Variants in UTY observed in about 807,000 individuals in gnomAD.
UTY encodes histone demethylase UTY.
In UTY, 12 loss-of-function variants were observed where a neutral mutation model predicts 32.5. The ratio of observed to expected loss-of-function variants is 0.37; its 90% CI spans 0.24 to 0.60. UTY has a LOEUF of 0.60. Ranked by LOEUF, UTY falls within the 20% of genes least tolerant of loss-of-function variation. The pLI is 0.69. For missense variants in UTY, 303 were observed against 299.2 expected, an observed-to-expected ratio of 1.01 and a Z score of -0.09; for synonymous variants, 131 against 103.4, an observed-to-expected ratio of 1.27 and a Z score of -1.62.
intron 4 of UTY, among the ~76,000 whole-genome samples, chrY:13,432,017 T>C (rs2074088123): frequency 6.0e-5 from 2 of 33,108 alleles, no homozygotes; most frequent in African/African-American, 2.4e-4. Flanking sequence ...AAGGAAGCAA[T>C]TCCATTTACA....
At chrY:13,310,875 T>C in intron 21 of UTY, among the ~76,000 whole-genome samples, 1 of 32,439 alleles carries the variant, frequency 3.1e-5, no homozygotes, top group African/African-American at 1.2e-4. Context: ...GATCATGAGG[T>C]CAGGAGATCC....
chrY:13,293,834 A>G, intron 27 of UTY, among the ~76,000 whole-genome samples: 1 of 33,808 alleles, frequency 3.0e-5, no homozygotes, highest in Non-Finnish European at 7.3e-5. Context: ...CAATCCATTC[A>G]TAGTAGCAAC....
intron 3 of UTY, among the ~76,000 whole-genome samples, chrY:13,453,362 T>G (rs1030917331): frequency 3.0e-5 from 1 of 33,895 alleles, no homozygotes; most frequent in Admixed American, 2.6e-4. Context: ...AATATAAAGA[T>G]TCTTCATGTT....
intron 27 of UTY, among the ~76,000 whole-genome samples, chrY:13,265,061 C>A (rs2055648836): frequency 3.0e-5 from 1 of 33,068 alleles, no homozygotes; most frequent in African/African-American, 1.2e-4. Context: ...AGATGTGAGG[C>A]GTTATTTCTG....
At chrY:13,305,372 G>C in intron 24 of UTY, 27 bp downstream of exon 24, 1 of 389,153 alleles carries the variant, frequency 2.6e-6, no homozygotes, top group Middle Eastern at 7.3e-4. Flanking sequence ...TTTCAATCAT[G>C]TAAGATATGT....
At chrY:13,400,775 A>C in intron 6 of UTY, among the ~76,000 whole-genome samples, 3 of 32,467 alleles carry the variant, frequency 9.2e-5, no homozygotes, top group Non-Finnish European at 7.6e-5. Flanking sequence ...AAAAAAAAAA[A>C]CTGGACTGTA....
At chrY:13,315,800 C>T in intron 21 of UTY, among the ~76,000 whole-genome samples, 1 of 31,855 alleles carries the variant, frequency 3.1e-5, no homozygotes, top group African/African-American at 1.3e-4. Flanking sequence ...TGACTGCCTC[C>T]TTTGGAGAGG....
At chrY:13,472,026 G>A (rs781003838) in intron 2 of UTY, among the ~76,000 whole-genome samples, 16 of 32,523 alleles carry the variant, frequency 4.9e-4, no homozygotes, top group Middle Eastern at 0.014. Context: ...AAACAAACAG[G>A]TAAGTGTAAC....
chrY:13,460,481 G>T, intron 3 of UTY, among the ~76,000 whole-genome samples: 1 of 33,429 alleles, frequency 3.0e-5, no homozygotes, highest in Non-Finnish European at 7.4e-5. Flanking sequence ...ATGGCAGACT[G>T]CTTGATCTCG....
chrY:13,319,879 T>C (rs2059707787), intron 21 of UTY, among the ~76,000 whole-genome samples: 1 of 33,596 alleles, frequency 3.0e-5, no homozygotes, highest in Non-Finnish European at 7.4e-5. Flanking sequence ...TAATGAAGGT[T>C]TCACCTTTTT....
chrY:13,336,308 A>C lies in UTY; in HGVS notation c.2089T>G (p.Leu697Val). 1 of 398,444 alleles carries C rather than the reference A, an allele frequency of 2.5e-6. No individual in the cohort carries two copies. The highest frequency in any genetic ancestry group is 3.0e-5 in the South Asian group (1 of 33,713). The change falls in exon 18 of 30, where the codon TTG becomes GTG. Residue 697 changes from leucine (L) to valine (V), a missense_variant. Physicochemically the swap from Leu to Val is conservative, Grantham distance 32. Coordinates refer to ENST00000545955, the MANE Select transcript of UTY (RefSeq NM_001258249.2). Reference protein sequence around the residue: ...QGLHKSQSSCLSGPNEEQPLF... With the variant: ...QGLHKSQSSCVSGPNEEQPLF... ...GGTTGTTCTTCATTAGGTCCTGACAAACATGAACTCTGACTTTTATGAAGC... is the reference window on the plus strand; with the variant it reads ...GGTTGTTCTTCATTAGGTCCTGACACACATGAACTCTGACTTTTATGAAGC...
downstream of UTY, among the ~76,000 whole-genome samples, chrY:13,245,445 C>G (rs2053937952): frequency 1.2e-4 from 4 of 34,138 alleles, no homozygotes; most frequent in Non-Finnish European, 2.9e-4. Context: ...ATTCACATAT[C>G]CATCTGTTCC....
intron 3 of UTY, among the ~76,000 whole-genome samples, chrY:13,469,053 A>C (rs780974470): frequency 6.0e-5 from 2 of 33,218 alleles, no homozygotes; most frequent in South Asian, 1.3e-3. Flanking sequence ...ATGTTTACTT[A>C]TATCCAAAAG....
chrY:13,326,160 T>C, intron 19 of UTY, 61 bp downstream of exon 19: 1 of 377,862 alleles, frequency 2.6e-6, no homozygotes. Context: ...ACATCGATTT[T>C]CTACAAGACA....
At chrY:13,346,174 A>T (rs976314984) in intron 17 of UTY, among the ~76,000 whole-genome samples, 1 of 33,113 alleles carries the variant, frequency 3.0e-5, no homozygotes, top group African/African-American at 1.2e-4. Flanking sequence ...CCAAGAGGTG[A>T]AGATAGGGTG....
chrY:13,267,855 C>T, intron 27 of UTY, among the ~76,000 whole-genome samples: 1 of 32,997 alleles, frequency 3.0e-5, no homozygotes, highest in Admixed American at 2.7e-4. Context: ...TTGGCCCCCA[C>T]TCTCTTTTGG....
intron 4 of UTY, among the ~76,000 whole-genome samples, chrY:13,427,411 C>A (rs2073455798): frequency 3.0e-5 from 1 of 33,466 alleles, no homozygotes; most frequent in East Asian, 7.6e-4. Context: ...AGTGGCTGAA[C>A]AGATTTTTTA....
At chrY:13,440,434 G>A in intron 4 of UTY, among the ~76,000 whole-genome samples, 2 of 33,222 alleles carry the variant, frequency 6.0e-5, no homozygotes, top group Non-Finnish European at 1.5e-4. Flanking sequence ...AACATACCCT[G>A]CCTGTGCCTA....
In UTY at chrY:13,249,719, T is replaced by C. The variant is rs2054008801; in HGVS notation, c.*137A>G. The C allele has an allele frequency of 1.1e-5, 1 of 93,816 alleles. No individual in the cohort carries two copies. Among genetic ancestry groups the C allele is most frequent in the Non-Finnish European group, 2.1e-5 (1 of 47,790 alleles). The allele number at this position is 93,816 out of a possible 400,897, so 23.4% of individuals were successfully genotyped here. A position where few individuals can be genotyped will look rare whatever the true frequency, so the allele number is the denominator to read the frequency against. On this transcript the variant is annotated 3_prime_UTR_variant, in exon 30 of 30. Transcript: ENST00000545955. ...GAAGCAGAGGCAGCACTGTGTCCAG[T>C]TGCTTGACATACTATTCTTGGAAGG...
Sources: gnomAD v4.1 joint callset for allele counts (sites outside exome capture counted in the v4.1 genomes callset) on GRCh38, gnomAD v4.1.1 for gene constraint, MANE v1.5 for transcripts, NCBI Gene and HGNC (gene_info 2026-07-23, HGNC 2026-07-21) for gene names.